Variants in ELOVL2 observed in about 807,000 individuals in gnomAD.
ELOVL2 encodes very long chain fatty acid elongase 2.
A neutral mutation model predicts 37.7 loss-of-function variants in ELOVL2; 38 were observed. The observed-to-expected ratio is 1.01, with a 90% CI of 0.78 to 1.32. The LOEUF is 1.32. Ranked by LOEUF, ELOVL2 falls within the 40% of genes most tolerant of loss-of-function variation. The probability of loss-of-function intolerance (pLI) is 0.00; values close to 1 mark genes in which losing one functional copy is unlikely to be tolerated. For missense variants in ELOVL2, 352 were observed against 363.6 expected (o/e 0.97, Z 0.26); for synonymous variants, 115 against 122.3 (o/e 0.94, Z 0.40).
At chr6:11,031,867 C>T (rs900933284) in intron 1 of ELOVL2, among the ~76,000 whole-genome samples, 2 of 152,122 alleles carry the variant, frequency 1.3e-5, no homozygotes, top group Admixed American at 1.3e-4. Flanking sequence ...TATTTTGTCC[C>T]ATATGAAAGG....
At chr6:11,040,415 TA>T (rs981152856) in intron 1 of ELOVL2, among the ~76,000 whole-genome samples, 11 of 149,602 alleles carry the variant, frequency 7.4e-5, no homozygotes, top group Non-Finnish European at 1.6e-4. Flanking sequence ...ACTCTAAGCA[TA>T]AAATACACAC....
At chr6:11,030,880 C>T (rs1782920731) in intron 1 of ELOVL2, among the ~76,000 whole-genome samples, 1 of 152,132 alleles carries the variant, frequency 6.6e-6, no homozygotes, top group African/African-American at 2.4e-5. Context: ...TCCCTTTGTA[C>T]ATCTTCCCAA....
intron 1 of ELOVL2, among the ~76,000 whole-genome samples, chr6:11,018,600 G>A (rs1375235865): frequency 1.3e-5 from 2 of 152,172 alleles, no homozygotes; most frequent in Non-Finnish European, 2.9e-5. Context: ...CATTCAATTG[G>A]TCTAGATGAG....
rs147952046 is a variant in ELOVL2, at chr6:10,995,071, T to C, written c.441A>G (p.Val147=). 4 of 1,612,668 alleles carry C rather than the reference T, an allele frequency of 2.5e-6. No individual in the cohort carries two copies. The highest frequency in any genetic ancestry group is 1.3e-5 in the African/African-American group (1 of 74,920). The stretch of plus-strand genomic sequence containing the variant: ...TGTTAAACATAGAAGCATGATGATA[T>C]ACATGAAGAAAAGTAATCTGACTCG... ...KKTSQITFLH[V]YHHASMFNIW... The change falls in exon 5 of 8, where the codon GTA becomes GTG. Residue 147 remains valine, a synonymous_variant. Coordinates refer to ENST00000354666, the MANE Select transcript of ELOVL2 (RefSeq NM_017770.4).
rs200905882 is a variant in ELOVL2 at position 11,029,880 on chromosome 6, ATTTG to A, written c.3+14344_3+14347del. On this transcript the variant is annotated intron_variant, in intron 1 of 7. Coordinates refer to ENST00000354666, the MANE Select transcript of ELOVL2 (RefSeq NM_017770.4). ...AGGAAACAAATATTTATGGTGTGCA[ATTTG>A]TTTGAGTAAAAATGCTCTCCTTATT... Among the ~76,000 whole-genome samples, 193 of 152,248 alleles carry A rather than the reference ATTTG, an allele frequency of 1.3e-3. 3 individuals are homozygous for A. The East Asian group carries it at 0.032, about 25-fold the overall frequency.
intron 1 of ELOVL2, among the ~76,000 whole-genome samples, chr6:11,038,092 A>G (rs116680866): frequency 6.6e-6 from 1 of 152,176 alleles, no homozygotes; most frequent in African/African-American, 2.4e-5. Flanking sequence ...TGCTACCTCT[A>G]GTATGTGACC....
intron 3 of ELOVL2, among the ~76,000 whole-genome samples, chr6:11,002,421 A>C (rs1459853008): frequency 6.6e-6 from 1 of 152,216 alleles, no homozygotes; most frequent in East Asian, 1.9e-4. Context: ...AGCAAGGTTA[A>C]ATCAGTGTGT....
At chr6:10,995,813 GTCAC>G (rs1406441809) in intron 4 of ELOVL2, among the ~76,000 whole-genome samples, 10 of 152,296 alleles carry the variant, frequency 6.6e-5, no homozygotes, top group East Asian at 3.9e-4. Context: ...GGCAGAAACT[GTCAC>G]TCACATTTGC....
At chr6:10,990,468 C>T in intron 5 of ELOVL2, 26 bp from the exon 6 acceptor site, 1 of 1,553,252 alleles carries the variant, frequency 6.4e-7, no homozygotes, top group Non-Finnish European at 8.6e-7. Flanking sequence ...ATAAAAATCA[C>T]TATTCTTCCA....
In ELOVL2 at chr6:10,999,869, G is replaced by C. The variant is rs540612421; in HGVS notation, c.333+218C>G. Among the ~76,000 whole-genome samples, 52 of 152,242 alleles carry C rather than the reference G, an allele frequency of 3.4e-4. No individual in the cohort carries two copies. In the Middle Eastern group the frequency reaches 0.017, roughly 50 times the overall value. On this transcript the variant is annotated intron_variant, in intron 4 of 7. Transcript: ENST00000354666. ...TATAGAGCTCTTCCTCACTCCACTT[G>C]GTAGAGGCATCTGCTACGTGGATGT...
chr6:11,035,186 G>A (rs1209636904), intron 1 of ELOVL2, among the ~76,000 whole-genome samples: 1 of 152,034 alleles, frequency 6.6e-6, no homozygotes, highest in Non-Finnish European at 1.5e-5. Context: ...AGACTGTTCT[G>A]TTCTACACTA....
intron 7 of ELOVL2, among the ~76,000 whole-genome samples, chr6:10,987,003 A>G (rs1782064338): frequency 6.6e-6 from 1 of 152,136 alleles, no homozygotes; most frequent in African/African-American, 2.4e-5. Flanking sequence ...TTGGTAAGCT[A>G]TTGATTATTT....
intron 4 of ELOVL2, among the ~76,000 whole-genome samples, chr6:10,996,443 G>T (rs146473365): frequency 1.6e-4 from 24 of 152,300 alleles, no homozygotes; most frequent in African/African-American, 5.8e-4. Context: ...GCCGAGGTGG[G>T]TGGATCACGA....
At chr6:11,034,893 C>T (rs1256564838) in intron 1 of ELOVL2, among the ~76,000 whole-genome samples, 2 of 151,922 alleles carry the variant, frequency 1.3e-5, no homozygotes, top group African/African-American at 2.4e-5. Context: ...ATCCCAGCTA[C>T]TCTGGAGGCT....
At chr6:11,026,838 G>C (rs2113549735) in intron 1 of ELOVL2, among the ~76,000 whole-genome samples, 1 of 151,312 alleles carries the variant, frequency 6.6e-6, no homozygotes, top group African/African-American at 2.5e-5. Flanking sequence ...ATATCTAATA[G>C]ATTAACTATC....
intron 2 of ELOVL2, among the ~76,000 whole-genome samples, chr6:11,005,830 A>C (rs148459629): frequency 2.3e-3 from 351 of 152,348 alleles, no homozygotes; most frequent in African/African-American, 7.8e-3. Flanking sequence ...TTGAATGCCT[A>C]TTTTGGAACA....
At chr6:11,037,181 G>C (rs1783023911) in intron 1 of ELOVL2, among the ~76,000 whole-genome samples, 1 of 150,254 alleles carries the variant, frequency 6.7e-6, no homozygotes, top group Non-Finnish European at 1.5e-5. Flanking sequence ...AAGAGAGGCA[G>C]AGAGGGAAAG....
intron 5 of ELOVL2, among the ~76,000 whole-genome samples, chr6:10,992,556 C>T (rs113917292): frequency 0.18 from 27,950 of 151,808 alleles, 3,423 homozygotes; most frequent in East Asian, 0.44. Context: ...TTTGGGAGGC[C>T]GAGGCGGGCG....
Position 11,044,303 on chromosome 6 carries a change from C to T in ELOVL2, c.-73G>A. 8.2e-7 allele frequency: 1 copy of T among 1,215,124 alleles called. No individual in the cohort carries two copies. 75.3% of individuals were successfully genotyped at this position (1,215,124 alleles called of 1,614,324 possible). A position where few individuals can be genotyped will look rare whatever the true frequency, so the allele number is the denominator to read the frequency against. On this transcript the variant is annotated 5_prime_UTR_variant, in exon 1 of 8. Transcript: ENST00000354666. This position sits in a 1 kb window ranked among gnomAD's most constrained non-coding sequence, Gnocchi z 5.6. ...TGTCCAGGGTAGCCGGGTCCCTCTG[C>T]CCGGCGCTATCTCGGCGCCCGCGCC...
Sources: gnomAD v4.1 joint callset for allele counts (sites outside exome capture counted in the v4.1 genomes callset) on GRCh38, gnomAD v4.1.1 for gene constraint, Gnocchi (gnomAD v3.1) non-coding constraint, MANE v1.5 for transcripts, NCBI Gene and HGNC (gene_info 2026-07-23, HGNC 2026-07-21) for gene names.